The following DLG2 variants were observed in gnomAD, a reference collection of about 807,000 sequenced individuals.
DLG2 encodes the protein disks large homolog 2.
Under a neutral mutation model 132.5 loss-of-function variants are expected in DLG2, and 45 were observed. The observed-to-expected ratio is 0.34, with a 90% CI of 0.27 to 0.44. The LOEUF is 0.44. Among genes scored for constraint, DLG2 ranks in the 20% least tolerant of loss-of-function variants. The probability of loss-of-function intolerance (pLI) is 1.00; values close to 1 mark genes in which losing one functional copy is unlikely to be tolerated. For missense variants in DLG2, 1,045 were observed against 1,196.9 expected, an observed-to-expected ratio of 0.87 and a Z score of 1.87; for synonymous variants, 424 against 419.6, an observed-to-expected ratio of 1.01 and a Z score of -0.13.
At chr11:84,465,423 A>G (rs1213779192) in intron 7 of DLG2, among the ~76,000 whole-genome samples, 1 of 151,286 alleles carries the variant, frequency 6.6e-6, no homozygotes, top group African/African-American at 2.4e-5. Flanking sequence ...AAAAGAATGC[A>G]CATTCATCAT....
intron 15 of DLG2, among the ~76,000 whole-genome samples, chr11:83,882,021 A>G (rs1428998460): frequency 6.6e-6 from 1 of 152,188 alleles, no homozygotes; most frequent in Admixed American, 6.5e-5. Flanking sequence ...TTCACTTTTA[A>G]TTCTTACCTA....
chr11:85,523,305 G>C (rs540565431), intron 3 of DLG2, among the ~76,000 whole-genome samples: 1 of 152,252 alleles, frequency 6.6e-6, no homozygotes, highest in Admixed American at 6.5e-5. Context: ...TAATAGCAGT[G>C]TGGAAACAGA....
intron 6 of DLG2, among the ~76,000 whole-genome samples, chr11:85,033,446 G>T (rs2508322): frequency 0.37 from 54,238 of 146,646 alleles, 9,894 homozygotes; most frequent in South Asian, 0.55. Flanking sequence ...AAAATAGAAA[G>T]CAACTTCATA....
chr11:84,925,552 A>G (rs1378096852), intron 6 of DLG2, among the ~76,000 whole-genome samples: 1 of 152,202 alleles, frequency 6.6e-6, no homozygotes, highest in Non-Finnish European at 1.5e-5. Context: ...GGCATTAACT[A>G]CAATGGCAAT....
At chr11:83,594,378 A>T (rs1245772046) in intron 19 of DLG2, among the ~76,000 whole-genome samples, 1 of 152,242 alleles carries the variant, frequency 6.6e-6, no homozygotes, top group East Asian at 1.9e-4. Context: ...GGATTGTTGC[A>T]TTTAAGAAAT....
At chr11:83,788,793 G>A (rs557752970) in intron 17 of DLG2, among the ~76,000 whole-genome samples, 53 of 152,318 alleles carry the variant, frequency 3.5e-4, no homozygotes, top group African/African-American at 1.3e-3. Flanking sequence ...AAAGGAAGAG[G>A]TAAAAGTCCC....
chr11:85,013,623 A>C (rs111447338), intron 6 of DLG2, among the ~76,000 whole-genome samples: 3 of 152,342 alleles, frequency 2.0e-5, no homozygotes, highest in Admixed American at 6.5e-5. Context: ...TAACAGGCAC[A>C]AGTAAATATC....
chr11:84,559,349 T>A (rs1425583926), intron 6 of DLG2, among the ~76,000 whole-genome samples: 1 of 152,090 alleles, frequency 6.6e-6, no homozygotes, highest in Non-Finnish European at 1.5e-5. Flanking sequence ...GGAGATGGCA[T>A]AACTTAGGGA....
intron 6 of DLG2, among the ~76,000 whole-genome samples, chr11:84,842,389 T>C (rs887810298): frequency 2.0e-5 from 3 of 151,992 alleles, no homozygotes; most frequent in Admixed American, 2.0e-4. Flanking sequence ...GTCCCCCGTA[T>C]GTCCATTATT....
chr11:83,512,139 G>A (rs900755005), intron 21 of DLG2, among the ~76,000 whole-genome samples: 4 of 152,146 alleles, frequency 2.6e-5, no homozygotes, highest in African/African-American at 7.2e-5. Flanking sequence ...AAATTGTTAG[G>A]TAGAGAACTA....
At chr11:84,709,662 A>G (rs549077526) in intron 6 of DLG2, among the ~76,000 whole-genome samples, 24 of 152,002 alleles carry the variant, frequency 1.6e-4, no homozygotes, top group African/African-American at 5.3e-4. Flanking sequence ...GAGCATACAC[A>G]GAGTATCTTT....
At chr11:84,025,716 TA>T (rs2095519562) in intron 11 of DLG2, among the ~76,000 whole-genome samples, 1 of 152,176 alleles carries the variant, frequency 6.6e-6, no homozygotes, top group Non-Finnish European at 1.5e-5. Context: ...TTAAAGTATT[TA>T]TAACTGACTT....
chr11:84,544,443 C>T (rs1409815449), intron 6 of DLG2, among the ~76,000 whole-genome samples: 1 of 152,212 alleles, frequency 6.6e-6, no homozygotes, highest in Non-Finnish European at 1.5e-5. Context: ...CAGGTATCAT[C>T]ATTCTCATTT....
chr11:84,804,291 T>C (rs1566008611), intron 6 of DLG2, among the ~76,000 whole-genome samples: 1 of 152,308 alleles, frequency 6.6e-6, no homozygotes, highest in East Asian at 1.9e-4. Context: ...TCTCAAATAT[T>C]AGAGGCAATA....
At chr11:84,654,256 T>G (rs2154547032) in intron 6 of DLG2, among the ~76,000 whole-genome samples, 1 of 152,296 alleles carries the variant, frequency 6.6e-6, no homozygotes, top group South Asian at 2.1e-4. Flanking sequence ...CACTGAATCT[T>G]GAAGATTATC....
chr11:84,753,541 A>T (rs2066458602), intron 6 of DLG2, among the ~76,000 whole-genome samples: 1 of 152,180 alleles, frequency 6.6e-6, no homozygotes, highest in African/African-American at 2.4e-5. Context: ...GGAAGATCCT[A>T]AAGCTGAGGG....
chr11:83,811,502 GC>G (rs2047273699), intron 17 of DLG2, among the ~76,000 whole-genome samples: 1 of 151,978 alleles, frequency 6.6e-6, no homozygotes, highest in African/African-American at 2.4e-5. Flanking sequence ...AATGTAAATA[GC>G]ATGTACAATT....
At position 83,980,553 on chromosome 11, in the gene DLG2, C is replaced by T. The variant is rs781371304; in HGVS notation, c.1009G>A (p.Ala337Thr). Residue 337 changes from alanine to threonine, a missense_variant, in exon 12 of 28, where the codon GCT (alanine) becomes ACT (threonine). Physicochemically the swap from Ala to Thr is moderately conservative, Grantham distance 58. Around this residue, in one of 4 missense-constraint regions of DLG2, gnomAD observed 261 missense variants for 256.1 expected, o/e 1.02. Transcript: ENST00000376104. ...IYVTKIIDGG[A>T]AQKDGRLQVG... ...TGCAACCTTCCATCTTTTTGTGCAGCTCCTCCATCTATAATTTTAGTTACA... is the reference window on the plus strand; with the variant it reads ...TGCAACCTTCCATCTTTTTGTGCAGTTCCTCCATCTATAATTTTAGTTACA... 3 of 1,613,824 alleles carry T rather than the reference C, an allele frequency of 1.9e-6. No homozygotes were observed. Among genetic ancestry groups the T allele is most frequent in the Non-Finnish European group, 2.5e-6 (3 of 1,179,832 alleles).
chr11:85,014,630 T>G (rs2059418125), intron 6 of DLG2, among the ~76,000 whole-genome samples: 1 of 152,190 alleles, frequency 6.6e-6, no homozygotes, highest in African/African-American at 2.4e-5. Flanking sequence ...ATTGATTTAC[T>G]TCTTTTCTTT....
Sources: gnomAD v4.1 joint callset for allele counts (sites outside exome capture counted in the v4.1 genomes callset) on GRCh38, gnomAD v4.1.1 for gene constraint, gnomAD v4.1.1 regional missense constraint, MANE v1.5 for transcripts, NCBI Gene and HGNC (gene_info 2026-07-23, HGNC 2026-07-21) for gene names.